INPP5K: variants seen among roughly 807,000 people sequenced by gnomAD.
INPP5K encodes the protein inositol polyphosphate 5-phosphatase K.
In INPP5K, 35 loss-of-function variants were observed where a neutral mutation model predicts 53.5. The observed-to-expected ratio is 0.65, with a 90% CI of 0.50 to 0.87. The LOEUF is 0.87. Ranked by LOEUF, INPP5K falls within the 40% of genes least tolerant of loss-of-function variation. The pLI is 0.00. For missense variants in INPP5K, 550 were observed against 586.2 expected (o/e 0.94, Z 0.64); for synonymous variants, 253 against 232.8 (o/e 1.09, Z -0.79).
intron 3 of INPP5K, among the ~76,000 whole-genome samples, 190 bp from the exon 4 acceptor site, chr17:1,509,989 A>G (rs1276268209): frequency 6.6e-6 from 1 of 152,226 alleles, no homozygotes; most frequent in African/African-American, 2.4e-5. Context: ...GCCAAATGAT[A>G]CATTCTGGGG....
chr17:1,508,025 A>G, intron 6 of INPP5K, 90 bp downstream of exon 6: 3 of 939,542 alleles, frequency 3.2e-6, no homozygotes, highest in Non-Finnish European at 5.2e-6. Context: ...AGAAAACAGC[A>G]GCGAGGGCAT....
chr17:1,509,938 G>A, intron 3 of INPP5K, 139 bp from the exon 4 acceptor site: 1 of 591,806 alleles, frequency 1.7e-6, no homozygotes. Flanking sequence ...ATCCCAGTTT[G>A]AATCTCAGAG....
chr17:1,513,569 T>A lies in INPP5K; in HGVS notation c.153-8A>T, dbSNP rs753299364. ...GAGTTCAATTCCTGCAAACTGACCA[T>A]GCCAGCTCAGAGGCTTGGCCCCTGG... On this transcript the variant is annotated splice_polypyrimidine_tract_variant and splice_region_variant and intron_variant, in intron 2 of 11. Transcript: ENST00000421807. 6.2e-7 allele frequency: 1 copy of A among 1,612,376 alleles called. No individual in the cohort carries two copies. Among genetic ancestry groups the A allele is most frequent in the South Asian group, 1.1e-5 (1 of 91,048 alleles).
At position 1,513,902 on chromosome 17, in the gene INPP5K, C is replaced by T. The variant is rs774454087; in HGVS notation, c.122G>A (p.Arg41Gln). ...AACATATATGTCAAGATTGAGGTTCCGGTTGTTCAGCTGAAGCAGGTCACT... is the reference window on the plus strand; with the variant it reads ...AACATATATGTCAAGATTGAGGTTCTGGTTGTTCAGCTGAAGCAGGTCACT... Reference protein sequence around the residue: ...DLSDLLQLNNRNLNLDIYVIG... With the variant: ...DLSDLLQLNNQNLNLDIYVIG... Residue 41 changes from arginine (R) to glutamine (Q), a missense_variant, in exon 2 of 12, where the codon CGG (arginine) becomes CAG (glutamine). Transcript: ENST00000421807. The T allele has an allele frequency of 1.5e-5, 25 of 1,613,230 alleles. No individual in the cohort carries two copies. The highest frequency in any genetic ancestry group is 1.1e-4 in the East Asian group (5 of 44,876).
rs1368448126 is a variant in INPP5K, at chr17:1,508,108, T to A, written c.666+7A>T. The A allele has an allele frequency of 1.2e-6, 2 of 1,603,286 alleles. No individual in the cohort carries two copies. Among genetic ancestry groups the A allele is most frequent in the Non-Finnish European group, 1.7e-6 (2 of 1,170,262 alleles). ...TCACCCCCTGGGACCCTCCCCTCAC[T>A]GGATACCTGGTCCTTCTCCCACAGG... On this transcript the variant is annotated splice_region_variant and intron_variant, in intron 6 of 11. Coordinates refer to ENST00000421807, the MANE Select transcript of INPP5K (RefSeq NM_016532.4).
chr17:1,506,546 T>C (rs1035689491), intron 7 of INPP5K, among the ~76,000 whole-genome samples: 2 of 152,214 alleles, frequency 1.3e-5, no homozygotes, highest in African/African-American at 4.8e-5. Flanking sequence ...TACCTACTAC[T>C]TCACCTTCTC....
intron 11 of INPP5K, 31 bp downstream of exon 11, chr17:1,496,029 C>G: frequency 6.6e-7 from 1 of 1,514,964 alleles, no homozygotes; most frequent in Non-Finnish European, 9.2e-7. Flanking sequence ...CAAGCCCTCA[C>G]CCTTCCCCTT....
rs765374051 is a variant in INPP5K at position 1,496,414 on chromosome 17, A to C, written c.1102-12T>G. The C allele has an allele frequency of 2.6e-5, 40 of 1,553,810 alleles. 2 individuals are homozygous for C. In the South Asian group the frequency reaches 4.3e-4, roughly 17 times the overall value. On this transcript the variant is annotated splice_polypyrimidine_tract_variant and intron_variant, in intron 9 of 11. Coordinates refer to ENST00000421807, the MANE Select transcript of INPP5K (RefSeq NM_016532.4). ...TCCCGCAGCCCCACCTGTGAGGGGG[A>C]GTCAGGCCATCAGTGGTCAGGGAGG...
chr17:1,516,183 T>A, intron 1 of INPP5K: 1 of 1,116,850 alleles, frequency 9.0e-7, no homozygotes, highest in Non-Finnish European at 1.2e-6. Context: ...GTTATGTCTT[T>A]AACCTCAAAC....
intron 6 of INPP5K, chr17:1,507,391 C>G (rs1422145748): frequency 8.6e-6 from 3 of 350,808 alleles, no homozygotes; most frequent in Non-Finnish European, 1.5e-5. Context: ...AGACATGTGT[C>G]AGAGGGGAAC....
In INPP5K at chr17:1,513,546, G is replaced by C. The variant is rs766727258; in HGVS notation, c.168C>G (p.Asn56Lys). The C allele has an allele frequency of 1.2e-6, 2 of 1,614,232 alleles. No homozygotes were observed. Among genetic ancestry groups the C allele is most frequent in the Non-Finnish European group, 1.7e-6 (2 of 1,180,022 alleles). ...CGGAAAGGAGGCTTATGATCCCAGA[G>C]TTCAATTCCTGCAAACTGACCATGC... ...DIYVIGLQEL[N>K]SGIISLLSDA... Residue 56 changes from asparagine to lysine, a missense_variant, in exon 3 of 12, where the codon AAC becomes AAG. By Grantham distance (94) the Asn-to-Lys change is moderately conservative. Coordinates refer to ENST00000421807, the MANE Select transcript of INPP5K (RefSeq NM_016532.4).
intron 6 of INPP5K, 81 bp downstream of exon 6, chr17:1,508,034 A>C (rs1312623852): frequency 5.0e-6 from 5 of 1,003,206 alleles, no homozygotes; most frequent in Non-Finnish European, 7.9e-6. Context: ...CAGCGAGGGC[A>C]TCTAGCAACA....
At chr17:1,508,090 CT>C (rs751067651) in intron 6 of INPP5K, 24 bp downstream of exon 6, 4 of 1,536,348 alleles carry the variant, frequency 2.6e-6, no homozygotes, top group Admixed American at 1.7e-5. Flanking sequence ...AGATCACCCC[CT>C]GGGACCCTCC....
At chr17:1,507,544 C>CTTTTTT (rs879297211) in intron 6 of INPP5K, 1 of 149,340 alleles carries the variant, frequency 6.7e-6, no homozygotes. Flanking sequence ...TATTCTTCTT[C>CTTTTTT]TTTTTTTTTT....
intron 1 of INPP5K, chr17:1,515,303 TG>T: frequency 3.0e-6 from 1 of 327,912 alleles, no homozygotes; most frequent in Non-Finnish European, 4.4e-6. Context: ...GAGTACTCTC[TG>T]GGGAAAAGTC....
At chr17:1,504,215 G>A (rs1370200919) in intron 7 of INPP5K, among the ~76,000 whole-genome samples, 1 of 152,208 alleles carries the variant, frequency 6.6e-6, no homozygotes, top group Non-Finnish European at 1.5e-5. Flanking sequence ...GGCAATCACA[G>A]TACAGTAAGA....
chr17:1,503,650 G>A (rs1210367423), intron 7 of INPP5K, among the ~76,000 whole-genome samples: 1 of 152,014 alleles, frequency 6.6e-6, no homozygotes, highest in Non-Finnish European at 1.5e-5. Context: ...CCCAGGAGGC[G>A]GACGTTGCAG....
At chr17:1,511,139 T>C (rs1197210619) in intron 3 of INPP5K, among the ~76,000 whole-genome samples, 2 of 152,080 alleles carry the variant, frequency 1.3e-5, no homozygotes, top group Non-Finnish European at 2.9e-5. Context: ...TAAGGACACA[T>C]GTGCACAGGC....
At position 1,495,813 on chromosome 17, in the gene INPP5K, C is replaced by T. The variant is rs748273952; in HGVS notation, c.*10G>A. 6.2e-7 allele frequency: 1 copy of T among 1,609,286 alleles called. No individual in the cohort carries two copies. Among genetic ancestry groups the T allele is most frequent in the Non-Finnish European group, 8.5e-7 (1 of 1,176,318 alleles). ...TCTGGCCTCCGCCTGGGATTCACTC[C>T]CATCCTGGCTCAGATCTGTGGCTGT... On this transcript the variant is annotated 3_prime_UTR_variant, in exon 12 of 12. Transcript: ENST00000421807.
Sources: gnomAD v4.1 joint callset for allele counts (sites outside exome capture counted in the v4.1 genomes callset) on GRCh38, gnomAD v4.1.1 for gene constraint, MANE v1.5 for transcripts, NCBI Gene and HGNC (gene_info 2026-07-23, HGNC 2026-07-21) for gene names.